The following FGGY variants were observed in gnomAD, a reference collection of about 807,000 sequenced individuals.
FGGY encodes FGGY carbohydrate kinase domain containing, also known as FGGY carbohydrate kinase domain-containing protein.
Under a neutral mutation model 71.3 loss-of-function variants are expected in FGGY, and 72 were observed. The observed-to-expected ratio is 1.01, with a 90% confidence interval of 0.84 to 1.23. The LOEUF is 1.23. Among genes scored for constraint, FGGY ranks in the 50% most tolerant of loss-of-function variants. FGGY has a pLI of 0.00. For missense variants in FGGY, 668 were observed against 682.3 expected (o/e 0.98, Z 0.23); for synonymous variants, 251 against 250.3 (o/e 1.00, Z -0.02).
At chr1:59,506,340 TA>T (rs11383783) in intron 6 of FGGY, among the ~76,000 whole-genome samples, 94 of 149,858 alleles carry the variant, frequency 6.3e-4, no homozygotes, top group African/African-American at 1.7e-3. Context: ...TCCTTTTCTT[TA>T]AAAAAAAAAA....
chr1:59,632,238 A>G (rs1427454580), intron 10 of FGGY, among the ~76,000 whole-genome samples: 21 of 152,266 alleles, frequency 1.4e-4, no homozygotes, highest in Non-Finnish European at 2.6e-4. Flanking sequence ...ATATGCATAT[A>G]TACAGATATA....
intron 11 of FGGY, among the ~76,000 whole-genome samples, chr1:59,639,736 C>G (rs540865756): frequency 2.0e-5 from 3 of 152,258 alleles, no homozygotes; most frequent in Non-Finnish European, 4.4e-5. Context: ...AGCAGTGTTG[C>G]ATAGTAAAAT....
At chr1:59,550,197 A>G (rs987286163) in intron 7 of FGGY, among the ~76,000 whole-genome samples, 3 of 152,112 alleles carry the variant, frequency 2.0e-5, no homozygotes, top group Non-Finnish European at 4.4e-5. Context: ...GAAGGGCCCC[A>G]GCGGTACCGA....
At chr1:59,596,282 AT>A (rs60670399) in intron 8 of FGGY, among the ~76,000 whole-genome samples, 17 of 149,126 alleles carry the variant, frequency 1.1e-4, no homozygotes, top group Non-Finnish European at 1.8e-4. Context: ...AAAATGTGTG[AT>A]TTTTTTTTTC....
intron 14 of FGGY, among the ~76,000 whole-genome samples, chr1:59,674,541 G>A (rs556753951): frequency 6.6e-6 from 1 of 152,062 alleles, no homozygotes; most frequent in East Asian, 1.9e-4. Flanking sequence ...ATCAACAAGA[G>A]ACACAAATGA....
chr1:59,532,698 CA>C (rs1404792288), intron 7 of FGGY, among the ~76,000 whole-genome samples: 1 of 151,896 alleles, frequency 6.6e-6, no homozygotes, highest in Non-Finnish European at 1.5e-5. Flanking sequence ...AAACATAATG[CA>C]AATATCATAC....
Position 59,429,249 on chromosome 1 carries a change from G to T in FGGY, c.555-27712G>T, listed in dbSNP as rs568698335. ...GGTAAAGTTAATTTCAATAATTCTG[G>T]TTTTTTTTTTCATCTTAGAAACTTA... On this transcript the variant is annotated intron_variant, in intron 5 of 15. Transcript: ENST00000303721. 5.4e-5 allele frequency among the ~76,000 whole-genome samples: 8 copies of T among 149,370 alleles called. No homozygotes were observed. The East Asian group carries it at 9.8e-4, about 18-fold the overall frequency.
intron 13 of FGGY, among the ~76,000 whole-genome samples, chr1:59,671,264 A>G (rs756466970): frequency 3.3e-5 from 5 of 152,238 alleles, no homozygotes; most frequent in Non-Finnish European, 7.3e-5. Context: ...TACACACTCC[A>G]GTTAGGTTAA....
At chr1:59,663,241 A>G (rs1337819416) in intron 12 of FGGY, among the ~76,000 whole-genome samples, 1 of 152,214 alleles carries the variant, frequency 6.6e-6, no homozygotes, top group Non-Finnish European at 1.5e-5. Flanking sequence ...CAGCTAGAGT[A>G]TGGTAGTTGG....
intron 4 of FGGY, among the ~76,000 whole-genome samples, chr1:59,376,313 A>G (rs2058656034): frequency 6.6e-6 from 1 of 152,192 alleles, no homozygotes; most frequent in African/African-American, 2.4e-5. Context: ...CTAGATGTTT[A>G]GGAAGTTAAA....
intron 6 of FGGY, among the ~76,000 whole-genome samples, chr1:59,503,594 C>CATATAT (rs71046332): frequency 0.019 from 2,375 of 127,604 alleles, 51 homozygotes; most frequent in East Asian, 0.11. Context: ...GTGGTGTCGC[C>CATATAT]ATATATATAT....
At chr1:59,519,365 G>A (rs568218759) in intron 7 of FGGY, among the ~76,000 whole-genome samples, 1 of 152,300 alleles carries the variant, frequency 6.6e-6, no homozygotes, top group Non-Finnish European at 1.5e-5. Flanking sequence ...CTGGGAATTT[G>A]TATTCTAGTA....
At chr1:59,460,831 C>T (rs2092133370) in intron 6 of FGGY, among the ~76,000 whole-genome samples, 1 of 152,204 alleles carries the variant, frequency 6.6e-6, no homozygotes, top group Admixed American at 6.5e-5. Flanking sequence ...AAAATTCCTG[C>T]AGCTGAGGAA....
At chr1:59,404,373 A>G (rs893523376) in intron 5 of FGGY, among the ~76,000 whole-genome samples, 9 of 152,190 alleles carry the variant, frequency 5.9e-5, no homozygotes, top group Non-Finnish European at 1.0e-4. Flanking sequence ...AGAAAAAAAA[A>G]TACATTTTTT....
chr1:59,315,078 C>A (rs2045173806), intron 1 of FGGY, among the ~76,000 whole-genome samples: 1 of 152,084 alleles, frequency 6.6e-6, no homozygotes, highest in Non-Finnish European at 1.5e-5. Flanking sequence ...AGGAAACATT[C>A]CAGGTGTGAG....
chr1:59,626,069 C>G lies in FGGY; in HGVS notation c.1073+20C>G, dbSNP rs944762328. On this transcript the variant is annotated intron_variant, in intron 10 of 15. Transcript: ENST00000303721. ...AGCCAGGTAACTGCTGTCTCTGTTC[C>G]CTCTAAAATTTTCCTTGTGTGACTG... The G allele has an allele frequency of 6.2e-7, 1 of 1,608,142 alleles. No individual in the cohort carries two copies.
At chr1:59,411,205 G>A (rs2063555119) in intron 5 of FGGY, among the ~76,000 whole-genome samples, 1 of 152,176 alleles carries the variant, frequency 6.6e-6, no homozygotes, top group Non-Finnish European at 1.5e-5. Flanking sequence ...TTGGAGTCTG[G>A]TTAGGCATTT....
intron 5 of FGGY, among the ~76,000 whole-genome samples, chr1:59,455,963 G>T (rs1213158492): frequency 1.3e-5 from 2 of 152,222 alleles, no homozygotes; most frequent in African/African-American, 2.4e-5. Context: ...GAGAAATGTA[G>T]CTGGAAAGCA....
At chr1:59,610,859 G>A (rs2096669518) in intron 9 of FGGY, among the ~76,000 whole-genome samples, 1 of 152,264 alleles carries the variant, frequency 6.6e-6, no homozygotes, top group African/African-American at 2.4e-5. Flanking sequence ...CACACCAGGA[G>A]ATTATATCCT....
Sources: gnomAD v4.1 joint callset for allele counts (sites outside exome capture counted in the v4.1 genomes callset) on GRCh38, gnomAD v4.1.1 for gene constraint, MANE v1.5 for transcripts, NCBI Gene and HGNC (gene_info 2026-07-23, HGNC 2026-07-21) for gene names.